The following TCF4 variants were observed in gnomAD, a reference collection of about 807,000 sequenced individuals.
The protein encoded by TCF4 is SL3-3 enhancer factor 2.
A neutral mutation model predicts 82.1 loss-of-function variants in TCF4; 3 were observed. That is an observed-to-expected ratio of 0.04 (90% confidence interval 0.02 to 0.09). TCF4 has a LOEUF of 0.09. Among genes scored for constraint, TCF4 ranks in the 10% least tolerant of loss-of-function variants. TCF4 has a pLI of 1.00. For missense variants in TCF4, 518 were observed against 852.7 expected (o/e 0.61, Z 4.89); for synonymous variants, 276 against 309.6 (o/e 0.89, Z 1.14).
intron 3 of TCF4, among the ~76,000 whole-genome samples, chr18:55,584,554 C>G (rs2097614910): frequency 6.6e-6 from 1 of 152,124 alleles, no homozygotes; most frequent in Non-Finnish European, 1.5e-5. Context: ...ATAAACCCCT[C>G]CTTAGATTCC....
chr18:55,605,767 C>A (rs540908643), intron 2 of TCF4, among the ~76,000 whole-genome samples: 32 of 152,186 alleles, frequency 2.1e-4, no homozygotes, highest in Non-Finnish European at 4.1e-4. Flanking sequence ...TATTAGTACT[C>A]CGCATTTTGT....
intron 12 of TCF4, 48 bp downstream of exon 12, chr18:55,261,418 C>A: frequency 1.3e-6 from 2 of 1,598,994 alleles, no homozygotes; most frequent in South Asian, 2.2e-5. Flanking sequence ...GATTAAAGTT[C>A]ACCCTTTACA....
At chr18:55,491,893 A>G (rs1196970288) in intron 3 of TCF4, among the ~76,000 whole-genome samples, 1 of 152,198 alleles carries the variant, frequency 6.6e-6, no homozygotes, top group African/African-American at 2.4e-5. Flanking sequence ...AGACAGAGAA[A>G]ATGAGCATGT....
intron 5 of TCF4, among the ~76,000 whole-genome samples, chr18:55,408,088 T>C (rs1444005353): frequency 6.6e-6 from 1 of 152,170 alleles, no homozygotes; most frequent in Non-Finnish European, 1.5e-5. Flanking sequence ...ATCCCTCTTG[T>C]GGTTGACCAG....
chr18:55,358,657 G>A (rs980197566), intron 6 of TCF4, among the ~76,000 whole-genome samples: 3 of 152,206 alleles, frequency 2.0e-5, no homozygotes, highest in South Asian at 2.1e-4. Context: ...ACACTCACCC[G>A]CTATCTTCTG....
intron 8 of TCF4, among the ~76,000 whole-genome samples, chr18:55,339,555 C>A (rs1302379252): frequency 6.6e-6 from 1 of 152,134 alleles, no homozygotes; most frequent in Non-Finnish European, 1.5e-5. Context: ...AAGTTCAGGG[C>A]TCATCAGCCA....
At chr18:55,277,602 A>ATT (rs11292069) in intron 9 of TCF4, among the ~76,000 whole-genome samples, 1 of 122,246 alleles carries the variant, frequency 8.2e-6, no homozygotes, top group Non-Finnish European at 1.8e-5. Context: ...TGTCAACTCA[A>ATT]TTTTTTTTTT....
At chr18:55,503,301 C>T (rs756141037) in intron 3 of TCF4, among the ~76,000 whole-genome samples, 4 of 152,090 alleles carry the variant, frequency 2.6e-5, no homozygotes, top group African/African-American at 4.8e-5. Context: ...GCCGAAAATT[C>T]GAAGTTAGAA....
chr18:55,316,820 T>A (rs1233470332), intron 8 of TCF4, among the ~76,000 whole-genome samples: 2 of 152,090 alleles, frequency 1.3e-5, no homozygotes, highest in African/African-American at 4.8e-5. Flanking sequence ...TTCTCCTAAT[T>A]CTGCCTGCAA....
intron 5 of TCF4, among the ~76,000 whole-genome samples, chr18:55,408,976 C>T (rs2094220709): frequency 6.6e-6 from 1 of 152,134 alleles, no homozygotes; most frequent in South Asian, 2.1e-4. Flanking sequence ...CCTAAAAGGT[C>T]TCTAGGTACT....
chr18:55,354,536 T>G (rs1413115213), intron 6 of TCF4, among the ~76,000 whole-genome samples: 1 of 152,168 alleles, frequency 6.6e-6, no homozygotes, highest in Non-Finnish European at 1.5e-5. Flanking sequence ...ATATCTCAAA[T>G]TAGATTTATA....
At chr18:55,389,720 C>T (rs2092917447) in intron 6 of TCF4, among the ~76,000 whole-genome samples, 1 of 152,014 alleles carries the variant, frequency 6.6e-6, no homozygotes, top group Admixed American at 6.6e-5. Flanking sequence ...TAAGGACAGG[C>T]CCCAAAGCCA....
chr18:55,438,662 T>C (rs2095380237), intron 5 of TCF4, among the ~76,000 whole-genome samples: 1 of 152,168 alleles, frequency 6.6e-6, no homozygotes, highest in African/African-American at 2.4e-5. Flanking sequence ...TGGAGATTAA[T>C]TTTACCAGAA....
rs35948563 is a variant in TCF4, at chr18:55,399,853, ATCTCTC to A, written c.369+3595_369+3600del. On this transcript the variant is annotated intron_variant, in intron 6 of 19. Transcript: ENST00000354452. The stretch of plus-strand genomic sequence containing the variant: ...TTTCTCTCTCTCTCTCTCTCTCCCC[ATCTCTC>A]TCTCTCTCTCTCTCTCTCTCTCACA... Among the ~76,000 whole-genome samples, 259 of 83,784 alleles carry A rather than the reference ATCTCTC, an allele frequency of 3.1e-3. 2 individuals are homozygous for A. Among genetic ancestry groups the A allele is most frequent in the Middle Eastern group, 0.014 (2 of 138 alleles). The allele number at this position is 83,784 out of a possible 152,430, so 55.0% of individuals were successfully genotyped here.
chr18:55,524,221 G>C (rs1229140036), intron 3 of TCF4, among the ~76,000 whole-genome samples: 1 of 151,700 alleles, frequency 6.6e-6, no homozygotes, highest in Admixed American at 6.6e-5. Flanking sequence ...ACGTCCTGTT[G>C]GTCAAGAATG....
intron 5 of TCF4, among the ~76,000 whole-genome samples, chr18:55,423,139 G>A (rs1331329326): frequency 2.7e-5 from 4 of 149,668 alleles, no homozygotes; most frequent in Admixed American, 6.7e-5. Context: ...GTTTTTAGGC[G>A]ATAATGGTCT....
intron 14 of TCF4, among the ~76,000 whole-genome samples, chr18:55,256,513 T>C (rs1333882375): frequency 6.6e-6 from 1 of 152,128 alleles, no homozygotes. Flanking sequence ...TTTGCTTTTC[T>C]TTTCAGATTT....
At chr18:55,465,821 C>A (rs191953592) in intron 3 of TCF4, among the ~76,000 whole-genome samples, 7 of 152,098 alleles carry the variant, frequency 4.6e-5, no homozygotes, top group East Asian at 1.9e-4. Context: ...AAAAGTCTGG[C>A]GCATCTTGAC....
At chr18:55,460,699 C>T (rs1247109832) in intron 5 of TCF4, among the ~76,000 whole-genome samples, 3 of 152,174 alleles carry the variant, frequency 2.0e-5, no homozygotes, top group Non-Finnish European at 4.4e-5. Flanking sequence ...ACCACTTTGA[C>T]TTCATCTACC....
Sources: allele counts gnomAD v4.1 joint callset (sites outside exome capture counted in the v4.1 genomes callset), GRCh38; gene constraint gnomAD v4.1.1; transcripts MANE v1.5; gene names NCBI Gene and HGNC (gene_info 2026-07-23, HGNC 2026-07-21).